Variants in ERGIC1 observed in about 807,000 individuals in gnomAD.
ERGIC1 encodes endoplasmic reticulum-golgi intermediate compartment 1, also known as endoplasmic reticulum-Golgi intermediate compartment protein 1.
In ERGIC1, 19 loss-of-function variants were observed where a neutral mutation model predicts 38.3. That is an observed-to-expected ratio of 0.50 (90% CI 0.35 to 0.73). The LOEUF is 0.73. Among genes scored for constraint, ERGIC1 ranks in the 30% least tolerant of loss-of-function variants. ERGIC1 has a pLI of 0.01. For missense variants in ERGIC1, 294 were observed against 389.2 expected (o/e 0.76, Z 2.06); for synonymous variants, 124 against 157.6 (o/e 0.79, Z 1.60).
intron 2 of ERGIC1, among the ~76,000 whole-genome samples, chr5:172,896,117 C>T (rs1366942940): frequency 3.3e-5 from 5 of 151,804 alleles, no homozygotes; most frequent in South Asian, 4.2e-4. Context: ...CTGAGGCGGG[C>T]GGTTCACTTG....
At chr5:172,920,267 C>T (rs897947013) in intron 5 of ERGIC1, 7 of 714,926 alleles carry the variant, frequency 9.8e-6, no homozygotes, top group Non-Finnish European at 1.6e-5. Flanking sequence ...CCACCAGGGT[C>T]CATGTGCTGT....
At position 172,893,941 on chromosome 5, in the gene ERGIC1, A is replaced by ATATATATATATATATATATATATATGTG. The variant is rs1259799557; in HGVS notation, c.83-3048_83-3047insATATATATATATGTGTATATATATATAT. 8.8e-4 allele frequency among the ~76,000 whole-genome samples: 34 copies of ATATATATATATATATATATATATATGTG among 38,660 alleles called. 1 individual carries two copies. Among genetic ancestry groups the ATATATATATATATATATATATATATGTG allele is most frequent in the Non-Finnish European group, 1.8e-3 (28 of 15,692 alleles). The allele number at this position is 38,660 out of a possible 152,430, so 25.4% of individuals were successfully genotyped here. The stretch of plus-strand genomic sequence containing the variant: ...TGTGTGTGTGTGTGTGTGTGTATAT[A>ATATATATATATATATATATATATATGTG]TATATATATATATTTAAATGTCCAT... On this transcript the variant is annotated intron_variant, in intron 2 of 9. Coordinates refer to ENST00000393784, the MANE Select transcript of ERGIC1 (RefSeq NM_001031711.3).
At chr5:172,922,634 G>A (rs1017725686) in intron 5 of ERGIC1, among the ~76,000 whole-genome samples, 12 of 152,212 alleles carry the variant, frequency 7.9e-5, no homozygotes, top group East Asian at 3.9e-4. Context: ...TGCTGTTCCC[G>A]GCACGGCAGG....
At chr5:172,894,340 C>T (rs1031315987) in intron 2 of ERGIC1, among the ~76,000 whole-genome samples, 12 of 150,946 alleles carry the variant, frequency 7.9e-5, no homozygotes, top group African/African-American at 7.3e-5. Context: ...GGACTACAGG[C>T]GCCTGCCACA....
At chr5:172,910,541 TGAGACGGAG>T (rs748985033) in intron 4 of ERGIC1, among the ~76,000 whole-genome samples, 45 of 130,072 alleles carry the variant, frequency 3.5e-4, no homozygotes, top group African/African-American at 4.4e-4. Flanking sequence ...TTTTTTTTTT[TGAGACGGAG>T]TTTCACTCCT....
At chr5:172,885,524 G>A (rs1168385700) in intron 1 of ERGIC1, among the ~76,000 whole-genome samples, 2 of 152,080 alleles carry the variant, frequency 1.3e-5, no homozygotes, top group African/African-American at 4.8e-5. Context: ...TAGCCACCTG[G>A]GGTATCGAGC....
chr5:172,936,568 G>C (rs1273786411), intron 9 of ERGIC1: 3 of 152,336 alleles, frequency 2.0e-5, no homozygotes, highest in Non-Finnish European at 4.4e-5. Context: ...CCAGGAGGCA[G>C]AACAGTGGGA....
At chr5:172,864,268 C>CTTTTTTT (rs60390189) in intron 1 of ERGIC1, among the ~76,000 whole-genome samples, 4 of 71,168 alleles carry the variant, frequency 5.6e-5, no homozygotes, top group African/African-American at 2.0e-4. Context: ...ATTTTGTAGT[C>CTTTTTTT]TTTTTTTTTT....
At chr5:172,868,986 G>C (rs1468546968) in intron 1 of ERGIC1, among the ~76,000 whole-genome samples, 3 of 152,268 alleles carry the variant, frequency 2.0e-5, no homozygotes, top group Non-Finnish European at 4.4e-5. Context: ...CTCTGCGGGG[G>C]CTTCCCGGGC....
chr5:172,874,921 TAAAA>T (rs541037638), intron 1 of ERGIC1, among the ~76,000 whole-genome samples: 3 of 101,308 alleles, frequency 3.0e-5, no homozygotes, highest in Admixed American at 1.1e-4. Flanking sequence ...AGACCCTGTC[TAAAA>T]AAAAAAAAAA....
At chr5:172,907,527 C>T (rs142615741) in intron 3 of ERGIC1, among the ~76,000 whole-genome samples, 5,118 of 151,964 alleles carry the variant, frequency 0.034, 85 homozygotes, top group South Asian at 0.086. Flanking sequence ...CACTGCACTC[C>T]AGCCTGAGGG....
intron 3 of ERGIC1, among the ~76,000 whole-genome samples, chr5:172,900,369 C>G (rs920891117): frequency 1.3e-5 from 2 of 152,156 alleles, no homozygotes; most frequent in Non-Finnish European, 2.9e-5. Flanking sequence ...CCCGGACGCT[C>G]TGATCCCACC....
At chr5:172,842,367 C>CT (rs1379027160) in intron 1 of ERGIC1, among the ~76,000 whole-genome samples, 1 of 152,140 alleles carries the variant, frequency 6.6e-6, no homozygotes, top group Admixed American at 6.5e-5. Context: ...ACAGAATTTC[C>CT]TTTTTTAAGG....
intron 1 of ERGIC1, among the ~76,000 whole-genome samples, chr5:172,860,676 T>C (rs1761676091): frequency 2.0e-5 from 3 of 152,196 alleles, no homozygotes; most frequent in Non-Finnish European, 2.9e-5. Context: ...ACCCTTGGGC[T>C]GGGGCCAAGC....
intron 1 of ERGIC1, among the ~76,000 whole-genome samples, chr5:172,857,588 G>GCCC: frequency 2.6e-3 from 340 of 132,626 alleles, no homozygotes; most frequent in African/African-American, 8.0e-3. Flanking sequence ...TAATAATGGT[G>GCCC]CCCCCCCCAC....
At chr5:172,848,625 G>C (rs542095239) in intron 1 of ERGIC1, among the ~76,000 whole-genome samples, 1 of 152,230 alleles carries the variant, frequency 6.6e-6, no homozygotes, top group Non-Finnish European at 1.5e-5. Flanking sequence ...TCGAGAGCAG[G>C]GGCCATATCT....
chr5:172,875,551 G>A (rs987898675), intron 1 of ERGIC1, among the ~76,000 whole-genome samples: 4 of 152,152 alleles, frequency 2.6e-5, no homozygotes, highest in East Asian at 3.8e-4. Context: ...GTGAAAGTAA[G>A]TGGTTAGGGT....
Position 172,854,527 on chromosome 5 carries a change from C to A in ERGIC1, c.20+20094C>A, listed in dbSNP as rs751045495. Among the ~76,000 whole-genome samples, 112 of 152,248 alleles carry A rather than the reference C, an allele frequency of 7.4e-4. 1 individual carries two copies. The highest frequency in any genetic ancestry group is 1.2e-3 in the Non-Finnish European group (80 of 68,040). On this transcript the variant is annotated intron_variant, in intron 1 of 9. Transcript: ENST00000393784. The stretch of plus-strand genomic sequence containing the variant: ...CGTCTGCGTGGCTCTTCTGCAGGCA[C>A]CCCCACCCACCTACCCACATCCCAA...
At chr5:172,839,064 A>C (rs571020824) in intron 1 of ERGIC1, among the ~76,000 whole-genome samples, 7 of 151,386 alleles carry the variant, frequency 4.6e-5, no homozygotes, top group South Asian at 4.2e-4. Context: ...AACATGGTGA[A>C]ACCCCGTCTC....
Sources: gnomAD v4.1 joint callset for allele counts (sites outside exome capture counted in the v4.1 genomes callset) on GRCh38, gnomAD v4.1.1 for gene constraint, MANE v1.5 for transcripts, NCBI Gene and HGNC (gene_info 2026-07-23, HGNC 2026-07-21) for gene names.